Variants in TANC2 observed in about 807,000 individuals in gnomAD.
TANC2 encodes the protein tetratricopeptide repeat, ankyrin repeat and coiled-coil containing 2.
A neutral mutation model predicts 210.5 loss-of-function variants in TANC2; 26 were observed. The observed-to-expected ratio is 0.12, with a 90% CI of 0.09 to 0.17. The LOEUF is 0.17. Ranked by LOEUF, TANC2 falls within the 10% of genes least tolerant of loss-of-function variation. TANC2 has a pLI of 1.00. For missense variants in TANC2, 2,129 were observed against 2,608.9 expected, an observed-to-expected ratio of 0.82 and a Z score of 4.01; for synonymous variants, 931 against 967.1, an observed-to-expected ratio of 0.96 and a Z score of 0.69.
At chr17:63,291,502 A>T (rs1187842746) in intron 9 of TANC2, among the ~76,000 whole-genome samples, 2 of 152,194 alleles carry the variant, frequency 1.3e-5, no homozygotes, top group Non-Finnish European at 2.9e-5. Context: ...CTGTAGTAAC[A>T]CTAGGTTGGA....
chr17:63,155,636 A>T (rs953521168), intron 5 of TANC2, among the ~76,000 whole-genome samples: 1 of 152,174 alleles, frequency 6.6e-6, no homozygotes, highest in Non-Finnish European at 1.5e-5. Flanking sequence ...GCTTTTATCA[A>T]CACCAAATAT....
chr17:63,280,912 A>G (rs183275455), intron 9 of TANC2, among the ~76,000 whole-genome samples: 1 of 152,250 alleles, frequency 6.6e-6, no homozygotes, highest in African/African-American at 2.4e-5. Flanking sequence ...TAATGAGGTA[A>G]AATCATCATC....
intron 2 of TANC2, among the ~76,000 whole-genome samples, chr17:63,068,682 A>G (rs2036290221): frequency 1.3e-5 from 2 of 152,194 alleles, no homozygotes; most frequent in Non-Finnish European, 1.5e-5. Flanking sequence ...GCTGGATGAT[A>G]TAGTTTCATT....
intron 15 of TANC2, chr17:63,381,599 A>AT (rs775760283): frequency 8.5e-5 from 13 of 152,158 alleles, no homozygotes; most frequent in Non-Finnish European, 1.8e-4. Flanking sequence ...TTTCCAATTA[A>AT]TTTTACATTT....
chr17:63,025,616 C>T (rs181237819), intron 2 of TANC2, among the ~76,000 whole-genome samples: 1 of 151,404 alleles, frequency 6.6e-6, no homozygotes, highest in African/African-American at 2.4e-5. Flanking sequence ...GGCGACGTGG[C>T]GAAACTTCAT....
chr17:63,193,610 A>G (rs1383098377), intron 5 of TANC2, among the ~76,000 whole-genome samples: 1 of 152,188 alleles, frequency 6.6e-6, no homozygotes, highest in Non-Finnish European at 1.5e-5. Flanking sequence ...GATTTTTGTA[A>G]AGTCCTTTAA....
chr17:63,209,804 G>A (rs1263388700), intron 7 of TANC2, among the ~76,000 whole-genome samples: 1 of 152,106 alleles, frequency 6.6e-6, no homozygotes, highest in East Asian at 1.9e-4. Flanking sequence ...TCATTATCAG[G>A]TTTTTAAAAT....
intron 4 of TANC2, among the ~76,000 whole-genome samples, chr17:63,143,547 A>G (rs1034977789): frequency 2.0e-5 from 3 of 152,140 alleles, no homozygotes; most frequent in Non-Finnish European, 4.4e-5. Flanking sequence ...TGATATCACA[A>G]CCTCTTTATT....
At chr17:63,350,352 CTT>C (rs1209362402) in intron 12 of TANC2, among the ~76,000 whole-genome samples, 2 of 152,196 alleles carry the variant, frequency 1.3e-5, no homozygotes, top group African/African-American at 4.8e-5. Flanking sequence ...TAACAAATAA[CTT>C]TTATTTGTTA....
At chr17:63,137,496 G>T (rs1261870954) in intron 4 of TANC2, among the ~76,000 whole-genome samples, 2 of 152,152 alleles carry the variant, frequency 1.3e-5, no homozygotes. Context: ...AAAGAATCCA[G>T]TCATTAAAGC....
chr17:63,009,433 C>T (rs2033768908), intron 1 of TANC2, 104 bp from the exon 2 acceptor site: 1 of 698,462 alleles, frequency 1.4e-6, no homozygotes, highest in Admixed American at 2.6e-5. Flanking sequence ...TCCAGTTGTA[C>T]CCTTTAAGTT....
intron 3 of TANC2, among the ~76,000 whole-genome samples, chr17:63,097,360 A>T (rs1013583102): frequency 2.0e-5 from 3 of 152,004 alleles, no homozygotes; most frequent in African/African-American, 2.4e-5. Flanking sequence ...CCCATTTTTA[A>T]ATTGGATTGT....
intron 3 of TANC2, among the ~76,000 whole-genome samples, chr17:63,075,541 T>G (rs776544168): frequency 1.3e-4 from 20 of 152,086 alleles, no homozygotes; most frequent in Non-Finnish European, 2.2e-4. Flanking sequence ...ATATATATTT[T>G]TTTATATGGA....
rs1162654174 is a variant in TANC2, at chr17:63,267,781, A to G, written c.1067A>G (p.Tyr356Cys). The G allele has an allele frequency of 1.2e-6, 2 of 1,612,924 alleles. No individual in the cohort carries two copies. Among genetic ancestry groups the G allele is most frequent in the Admixed American group, 1.7e-5 (1 of 59,914 alleles). Residue 356 changes from tyrosine to cysteine, a missense_variant, in exon 9 of 28, where the codon TAC (tyrosine) becomes TGC (cysteine). Transcript: ENST00000689528. Reference sequence around the variant, plus strand: ...TCTGCCCACTTGGAAGACCTTGCTTACCTGGATGAGCAGAGACATACACCT... The same window carrying G: ...TCTGCCCACTTGGAAGACCTTGCTTGCCTGGATGAGCAGAGACATACACCT...
intron 8 of TANC2, among the ~76,000 whole-genome samples, chr17:63,244,183 T>A (rs1177564220): frequency 6.6e-6 from 1 of 152,172 alleles, no homozygotes; most frequent in African/African-American, 2.4e-5. Context: ...GGCGGGTCAT[T>A]TTTGGTCCTC....
In TANC2 at chr17:63,212,622, G is replaced by C. The variant is rs1358485517; in HGVS notation, c.769+11665G>C. On this transcript the variant is annotated intron_variant, in intron 7 of 27. Transcript: ENST00000689528. ...TTTATTTATTATTTTATAGAAACAGGGTCTCACTATATTGCCCAGGCTGGT... is the reference window on the plus strand; with the variant it reads ...TTTATTTATTATTTTATAGAAACAGCGTCTCACTATATTGCCCAGGCTGGT... Among the ~76,000 whole-genome samples, 3 of 152,110 alleles carry C rather than the reference G, an allele frequency of 2.0e-5. No individual in the cohort carries two copies. The South Asian group carries it at 6.2e-4, about 32-fold the overall frequency.
At chr17:63,400,599 G>C (rs555232117) in intron 19 of TANC2, among the ~76,000 whole-genome samples, 22 of 151,900 alleles carry the variant, frequency 1.4e-4, no homozygotes, top group Non-Finnish European at 2.8e-4. Context: ...AACATGAAGA[G>C]CTACTTAAAC....
At chr17:63,195,466 A>G (rs548697050) in intron 6 of TANC2, among the ~76,000 whole-genome samples, 1 of 152,240 alleles carries the variant, frequency 6.6e-6, no homozygotes, top group East Asian at 1.9e-4. Flanking sequence ...ATATGTACTC[A>G]ATCTGATCCC....
chr17:63,395,680 G>A, intron 17 of TANC2, 63 bp from the exon 18 acceptor site: 1 of 1,483,890 alleles, frequency 6.7e-7, no homozygotes, highest in Non-Finnish European at 9.3e-7. Flanking sequence ...TGGCGGATGT[G>A]ACTAGATTGC....
Sources: allele counts gnomAD v4.1 joint callset (sites outside exome capture counted in the v4.1 genomes callset), GRCh38; gene constraint gnomAD v4.1.1; transcripts MANE v1.5; gene names NCBI Gene and HGNC (gene_info 2026-07-23, HGNC 2026-07-21).